Variants in PIK3C2A observed in about 807,000 individuals in gnomAD.
PIK3C2A encodes the protein phosphatidylinositol 4-phosphate 3-kinase C2 domain-containing subunit alpha.
Under a neutral mutation model 204.5 loss-of-function variants are expected in PIK3C2A, and 97 were observed. The ratio of observed to expected loss-of-function variants is 0.47; its 90% confidence interval spans 0.40 to 0.56. The LOEUF is 0.56. Among genes scored for constraint, PIK3C2A ranks in the 20% least tolerant of loss-of-function variants. The pLI, the probability that PIK3C2A is intolerant of heterozygous loss-of-function variation, is 0.00. For missense variants in PIK3C2A, 1,735 were observed against 1,969.2 expected (o/e 0.88, Z 2.25); for synonymous variants, 653 against 664.4 (o/e 0.98, Z 0.26).
chr11:17,119,844 A>G lies in PIK3C2A; in HGVS notation c.2788T>C (p.Leu930=), dbSNP rs1590929807. The G allele has an allele frequency of 3.7e-6, 6 of 1,609,722 alleles. No individual in the cohort carries two copies. In the East Asian group the frequency reaches 1.3e-4, roughly 36 times the overall value. ...TACAATGCAGGCCACTGGTGAAGCAATGAGTAAGTTTTGGCAAGATTAACC... is the reference window on the plus strand; with the variant it reads ...TACAATGCAGGCCACTGGTGAAGCAGTGAGTAAGTTTTGGCAAGATTAACC... ...KWVNLAKTYS[L]LHQWPALYPL... is the part of the protein sequence containing the mutation. Residue 930 remains leucine, a synonymous_variant, in exon 16 of 33, where the codon TTG becomes CTG. Coordinates refer to ENST00000691414, the MANE Select transcript of PIK3C2A (RefSeq NM_002645.4).
At chr11:17,206,655 T>C (rs188301086) in intron 1 of PIK3C2A, among the ~76,000 whole-genome samples, 2 of 151,814 alleles carry the variant, frequency 1.3e-5, no homozygotes, top group Non-Finnish European at 2.9e-5. Context: ...TTGTGGAGAC[T>C]TGAACCACAA....
chr11:17,135,742 T>TA (rs1849852204), intron 9 of PIK3C2A, among the ~76,000 whole-genome samples: 2 of 150,622 alleles, frequency 1.3e-5, no homozygotes, highest in South Asian at 4.2e-4. Flanking sequence ...AAGAAGCACA[T>TA]AAAAAAGTAG....
chr11:17,117,424 T>C (rs1157029432), intron 19 of PIK3C2A, 67 bp downstream of exon 19: 1 of 1,042,562 alleles, frequency 9.6e-7, no homozygotes, highest in Non-Finnish European at 1.4e-6. Context: ...GCAACTTAAT[T>C]AGTCAGCACC....
At chr11:17,107,457 T>C (rs1384342813) in intron 22 of PIK3C2A, among the ~76,000 whole-genome samples, 1 of 152,236 alleles carries the variant, frequency 6.6e-6, no homozygotes, top group African/African-American at 2.4e-5. Context: ...GAGAACTGTA[T>C]TTCTGTGTTT....
At position 17,098,432 on chromosome 11, in the gene PIK3C2A, C is replaced by T. The variant is rs539739696; in HGVS notation, c.4119-1168G>A. ...TGCAATCTGGCAAGGGAGCCCTCAA[C>T]AGTAATGTAATTGGCTGGCACCTTG... On this transcript the variant is annotated intron_variant, in intron 26 of 32. Transcript: ENST00000691414. Among the ~76,000 whole-genome samples, 18 of 152,222 alleles carry T rather than the reference C, an allele frequency of 1.2e-4. 1 individual carries two copies. Among genetic ancestry groups the T allele is most frequent in the Non-Finnish European group, 2.5e-4 (17 of 68,036 alleles).
chr11:17,094,116 T>C (rs1848389207), intron 28 of PIK3C2A, 145 bp downstream of exon 28: 3 of 532,484 alleles, frequency 5.6e-6, no homozygotes, highest in East Asian at 6.3e-5. Context: ...TGTCTGCTTT[T>C]GTATTAGGTC....
At chr11:17,111,333 A>C (rs1370307659) in intron 21 of PIK3C2A, among the ~76,000 whole-genome samples, 1 of 152,240 alleles carries the variant, frequency 6.6e-6, no homozygotes, top group Non-Finnish European at 1.5e-5. Context: ...AGATATTACT[A>C]TGAAGAAGAG....
intron 18 of PIK3C2A, 66 bp downstream of exon 18, chr11:17,118,579 C>T (rs61879705): frequency 1.3e-6 from 1 of 746,230 alleles, no homozygotes; most frequent in Non-Finnish European, 2.4e-6. Context: ...TTTAGACTTA[C>T]AGGGTATGCC....
intron 2 of PIK3C2A, among the ~76,000 whole-genome samples, chr11:17,166,979 C>T (rs1850977670): frequency 6.6e-6 from 1 of 151,140 alleles, no homozygotes; most frequent in African/African-American, 2.4e-5. Flanking sequence ...CCAACTGCCC[C>T]TTTTTTTTTG....
chr11:17,131,520 C>T (rs2137379020), intron 12 of PIK3C2A, among the ~76,000 whole-genome samples: 1 of 147,628 alleles, frequency 6.8e-6, no homozygotes, highest in South Asian at 2.2e-4. Context: ...CTCCCGGATT[C>T]ATGACATTCT....
rs551534163 is a variant in PIK3C2A at position 17,094,744 on chromosome 11, G to A, written c.4327-359C>T. ...TCAAAAAAACCTTCTTTCCTATATTGATCTTAGCTAAAAGACCAAGAAGCA... is the reference window on the plus strand; with the variant it reads ...TCAAAAAAACCTTCTTTCCTATATTAATCTTAGCTAAAAGACCAAGAAGCA... On this transcript the variant is annotated intron_variant, in intron 27 of 32. Coordinates refer to ENST00000691414, the MANE Select transcript of PIK3C2A (RefSeq NM_002645.4). 8.6e-5 allele frequency among the ~76,000 whole-genome samples: 13 copies of A among 152,036 alleles called. No homozygotes were observed. The South Asian group carries it at 1.0e-3, about 12-fold the overall frequency.
In PIK3C2A at chr11:17,104,430, A is replaced by T. The variant is rs577780491; in HGVS notation, c.3681+739T>A. ...GAGGTCACTGAGGCACAAAGATGTTAAATAATCTGCATAGGTCAGGTGCGG... is the reference window on the plus strand; with the variant it reads ...GAGGTCACTGAGGCACAAAGATGTTTAATAATCTGCATAGGTCAGGTGCGG... On this transcript the variant is annotated intron_variant, in intron 23 of 32. Transcript: ENST00000691414. 3.9e-5 allele frequency among the ~76,000 whole-genome samples: 6 copies of T among 152,324 alleles called. No individual in the cohort carries two copies. The South Asian group carries it at 1.2e-3, about 32-fold the overall frequency.
At chr11:17,116,377 A>C (rs2137329473) in intron 19 of PIK3C2A, among the ~76,000 whole-genome samples, 1 of 152,282 alleles carries the variant, frequency 6.6e-6, no homozygotes, top group South Asian at 2.1e-4. Flanking sequence ...CCATAATCAA[A>C]AAACAGGAAA....
At chr11:17,174,422 C>CT (rs1190218131) in intron 1 of PIK3C2A, among the ~76,000 whole-genome samples, 1 of 78,850 alleles carries the variant, frequency 1.3e-5, no homozygotes, top group Non-Finnish European at 2.4e-5. Flanking sequence ...CCCGTCTCTA[C>CT]TAAAAAAAAA....
intron 23 of PIK3C2A, among the ~76,000 whole-genome samples, chr11:17,103,423 TTAATC>T (rs893868276): frequency 6.6e-5 from 10 of 152,190 alleles, no homozygotes; most frequent in African/African-American, 2.4e-4. Flanking sequence ...AGGTTTTTCT[TTAATC>T]TAAAGCATGT....
chr11:17,191,355 CTG>C (rs1851937325), intron 1 of PIK3C2A, among the ~76,000 whole-genome samples: 1 of 152,180 alleles, frequency 6.6e-6, no homozygotes, highest in Admixed American at 6.5e-5. Context: ...AATCTAGAGA[CTG>C]AGCTCAACTA....
At position 17,101,324 on chromosome 11, in the gene PIK3C2A, T is replaced by C; in HGVS notation, c.3962A>G (p.Asn1321Ser). ...LFVDLCCQAY[N>S]LIRKQTNLFL... ...AAGGTTTGTCTGCTTTCTTATCAAG[T>C]TGTAGGCCTGACAGCAGAGGTCCAC... The change falls in exon 25 of 33, where the codon AAC becomes AGC. Residue 1321 changes from asparagine (N) to serine (S), a missense_variant. Physicochemically the swap from Asn to Ser is conservative, Grantham distance 46 (BLOSUM62 1). Coordinates refer to ENST00000691414, the MANE Select transcript of PIK3C2A (RefSeq NM_002645.4). 6.3e-7 allele frequency: 1 copy of C among 1,582,826 alleles called. No homozygotes were observed. The highest frequency in any genetic ancestry group is 1.1e-5 in the South Asian group (1 of 87,174).
chr11:17,099,800 G>A (rs1848562882), intron 26 of PIK3C2A, 60 bp downstream of exon 26: 1 of 782,538 alleles, frequency 1.3e-6, no homozygotes, highest in African/African-American at 1.7e-5. Flanking sequence ...TTAAACTAAG[G>A]TAAAACAAAT....
chr11:17,202,376 C>T (rs887204040), intron 1 of PIK3C2A, among the ~76,000 whole-genome samples: 6 of 151,948 alleles, frequency 3.9e-5, no homozygotes, highest in African/African-American at 1.5e-4. Context: ...GGGTTCAAGA[C>T]CAGCCTGGAC....
Sources: allele counts gnomAD v4.1 joint callset (sites outside exome capture counted in the v4.1 genomes callset), GRCh38; gene constraint gnomAD v4.1.1; transcripts MANE v1.5; gene names NCBI Gene and HGNC (gene_info 2026-07-23, HGNC 2026-07-21).